Variants in ATP8A1 observed in about 807,000 individuals in gnomAD.
ATP8A1 encodes the protein phospholipid-transporting ATPase IA.
A neutral mutation model predicts 177.7 loss-of-function variants in ATP8A1; 90 were observed. The ratio of observed to expected loss-of-function variants is 0.51; its 90% CI spans 0.43 to 0.60. The LOEUF is 0.60. ATP8A1 is among the 20% of genes least tolerant of loss of function. The probability of loss-of-function intolerance (pLI) is 0.00; values close to 1 mark genes in which losing one functional copy is unlikely to be tolerated. For synonymous variants in ATP8A1, 493 were observed against 485.9 expected (o/e 1.01, Z -0.19); for missense variants, 1,072 against 1,392.8 (o/e 0.77, Z 3.67).
intron 15 of ATP8A1, among the ~76,000 whole-genome samples, chr4:42,561,235 A>G (rs1334470445): frequency 1.3e-5 from 2 of 152,138 alleles, no homozygotes; most frequent in Non-Finnish European, 2.9e-5. Context: ...ACAGGTGCGC[A>G]CTGGGCCTCG....
intron 20 of ATP8A1, among the ~76,000 whole-genome samples, chr4:42,540,904 A>G (rs529036622): frequency 7.7e-4 from 118 of 152,272 alleles, no homozygotes; most frequent in Admixed American, 2.2e-3. Context: ...TATACTCCAC[A>G]AAAGATGTAT....
At chr4:42,423,567 G>A (rs1714238576) in intron 34 of ATP8A1, 50 bp downstream of exon 34, 2 of 1,278,556 alleles carry the variant, frequency 1.6e-6, no homozygotes, top group Non-Finnish European at 2.2e-6. Flanking sequence ...AGAAATCTGA[G>A]GATGAATATG....
rs919948329 is a variant in ATP8A1 at position 42,615,957 on chromosome 4, T to C, written c.409+76A>G. 7 of 1,323,098 alleles carry C rather than the reference T, an allele frequency of 5.3e-6. No homozygotes were observed. The African/African-American group carries it at 8.8e-5, about 17-fold the overall frequency. 82.0% of individuals were successfully genotyped at this position (1,323,098 alleles called of 1,614,324 possible). A position where few individuals can be genotyped will look rare whatever the true frequency, so the allele number is the denominator to read the frequency against. ...AGATGCACACTATTTGCAATTGAAT[T>C]ATATGTAATTGAAGTGTTTGTATAT... On this transcript the variant is annotated intron_variant, in intron 5 of 36. Coordinates refer to ENST00000381668, the MANE Select transcript of ATP8A1 (RefSeq NM_006095.2).
intron 33 of ATP8A1, among the ~76,000 whole-genome samples, chr4:42,428,725 C>T (rs1456430475): frequency 6.6e-6 from 1 of 152,150 alleles, no homozygotes; most frequent in Non-Finnish European, 1.5e-5. Flanking sequence ...AATTTCAAGA[C>T]CTTTCCTATC....
At chr4:42,507,931 T>C (rs1032482633) in intron 22 of ATP8A1, among the ~76,000 whole-genome samples, 22 of 151,954 alleles carry the variant, frequency 1.4e-4, no homozygotes, top group Non-Finnish European at 7.4e-5. Flanking sequence ...AGGAAATGTA[T>C]ACACAATTAG....
chr4:42,540,881 CG>C (rs1392175847), intron 20 of ATP8A1, among the ~76,000 whole-genome samples: 2 of 152,044 alleles, frequency 1.3e-5, no homozygotes, highest in East Asian at 3.9e-4. Context: ...TTTGATAGCC[CG>C]AGTAGGGTGA....
chr4:42,626,883 A>G, intron 2 of ATP8A1, 112 bp downstream of exon 2: 1 of 747,464 alleles, frequency 1.3e-6, no homozygotes, highest in Non-Finnish European at 2.4e-6. Flanking sequence ...GCCAACAGGG[A>G]GCTCTCAAAT....
chr4:42,430,951 C>A (rs192320019), intron 33 of ATP8A1, among the ~76,000 whole-genome samples: 63 of 152,032 alleles, frequency 4.1e-4, no homozygotes, highest in African/African-American at 1.4e-3. Flanking sequence ...CCCCACCCCA[C>A]CCCATCCTCT....
At chr4:42,465,641 G>C (rs183420033) in intron 25 of ATP8A1, among the ~76,000 whole-genome samples, 1 of 152,282 alleles carries the variant, frequency 6.6e-6, no homozygotes, top group African/African-American at 2.4e-5. Context: ...TACAAATGTG[G>C]ACCAGGAACA....
chr4:42,611,719 T>C (rs1320729370), intron 5 of ATP8A1, among the ~76,000 whole-genome samples: 1 of 152,242 alleles, frequency 6.6e-6, no homozygotes. Context: ...AGCATATTTT[T>C]ACCAGTTAAA....
chr4:42,511,613 T>C (rs552353514), intron 22 of ATP8A1, among the ~76,000 whole-genome samples: 2 of 152,338 alleles, frequency 1.3e-5, no homozygotes, highest in African/African-American at 4.8e-5. Flanking sequence ...ATGTTCCTAA[T>C]GTATGCAGAA....
rs139188007 is a variant in ATP8A1 at position 42,632,440 on chromosome 4, T to C, written c.50-5331A>G. 2.6e-3 allele frequency among the ~76,000 whole-genome samples: 398 copies of C among 152,324 alleles called. 4 individuals are homozygous for C. The highest frequency in any genetic ancestry group is 8.8e-3 in the African/African-American group (364 of 41,568). ...TAATAAAATTATCCAGTATTTGCTA[T>C]GCATATTTTAAACCAGAGACTCTAA... is the stretch of plus-strand genomic sequence containing the variant. On this transcript the variant is annotated intron_variant, in intron 1 of 36. Transcript: ENST00000381668.
At chr4:42,586,160 T>C (rs918212704) in intron 9 of ATP8A1, among the ~76,000 whole-genome samples, 189 bp downstream of exon 9, 6 of 152,178 alleles carry the variant, frequency 3.9e-5, no homozygotes, top group African/African-American at 1.4e-4. Context: ...TCATCAGCTA[T>C]ACTACATGAA....
At chr4:42,523,676 A>C (rs1477795018) in intron 21 of ATP8A1, among the ~76,000 whole-genome samples, 4 of 152,162 alleles carry the variant, frequency 2.6e-5, no homozygotes, top group African/African-American at 9.7e-5. Context: ...GAGTATCTTT[A>C]ACATCACATC....
At chr4:42,636,152 A>ACGCGCGCGCGTGCGCG (rs1276251388) in intron 1 of ATP8A1, among the ~76,000 whole-genome samples, 545 of 33,762 alleles carry the variant, frequency 0.016, 6 homozygotes, top group Middle Eastern at 0.1. Context: ...ACACACACAC[A>ACGCGCGCGCGTGCGCG]CACACGCACA....
intron 25 of ATP8A1, among the ~76,000 whole-genome samples, chr4:42,483,823 C>T (rs1191083132): frequency 6.6e-6 from 1 of 152,194 alleles, no homozygotes; most frequent in East Asian, 1.9e-4. Context: ...TCCAACCAAA[C>T]TGTGATTTGA....
intron 4 of ATP8A1, among the ~76,000 whole-genome samples, chr4:42,620,813 C>T (rs1387496934): frequency 6.6e-6 from 1 of 152,188 alleles, no homozygotes; most frequent in African/African-American, 2.4e-5. Flanking sequence ...CACAATCATG[C>T]AGAGCCAAGA....
At chr4:42,554,937 C>T (rs1369993993) in intron 16 of ATP8A1, among the ~76,000 whole-genome samples, 1 of 152,170 alleles carries the variant, frequency 6.6e-6, no homozygotes, top group East Asian at 1.9e-4. Context: ...TACATCTCTC[C>T]CTTGCAGGAT....
At chr4:42,422,389 C>T (rs1305254724) in intron 35 of ATP8A1, among the ~76,000 whole-genome samples, 4 of 152,134 alleles carry the variant, frequency 2.6e-5, no homozygotes, top group African/African-American at 9.7e-5. Context: ...CACGCCTGGC[C>T]AATTACATAC....
Sources: gnomAD v4.1 joint callset for allele counts (sites outside exome capture counted in the v4.1 genomes callset) on GRCh38, gnomAD v4.1.1 for gene constraint, MANE v1.5 for transcripts, NCBI Gene and HGNC (gene_info 2026-07-23, HGNC 2026-07-21) for gene names.